PIEZO2: variants seen among roughly 807,000 people sequenced by gnomAD.
PIEZO2 encodes piezo type mechanosensitive ion channel component 2, also known as piezo-type mechanosensitive ion channel component 2.
In PIEZO2, 172 loss-of-function variants were observed where a neutral mutation model predicts 337.3. The observed-to-expected ratio is 0.51, with a 90% CI of 0.45 to 0.58. PIEZO2 has a LOEUF of 0.58. Among genes scored for constraint, PIEZO2 ranks in the 20% least tolerant of loss-of-function variants. The pLI is 0.00. For synonymous variants in PIEZO2, 1,251 were observed against 1,228.5 expected, an observed-to-expected ratio of 1.02 and a Z score of -0.38; for missense variants, 3,028 against 3,391.3, an observed-to-expected ratio of 0.89 and a Z score of 2.66.
At position 10,991,527 on chromosome 18, in the gene PIEZO2, A is replaced by G. The variant is rs556712598; in HGVS notation, c.161-11867T>C. On this transcript the variant is annotated intron_variant, in intron 2 of 55. Transcript: ENST00000674853. ...TGGTTTGCTGAGAATGATGGTTTCC[A>G]GCTTCATCCATGTCCCTGCAAAGGA... Among the ~76,000 whole-genome samples the G allele has an allele frequency of 6.1e-4, 93 of 152,122 alleles. 1 individual carries two copies. In the South Asian group the frequency reaches 0.018, roughly 29 times the overall value.
chr18:11,019,464 C>T (rs1025631582), intron 2 of PIEZO2, among the ~76,000 whole-genome samples: 2 of 152,200 alleles, frequency 1.3e-5, no homozygotes, highest in Non-Finnish European at 2.9e-5. Flanking sequence ...AGCTTTTGTA[C>T]TTTCTGGTGT....
intron 3 of PIEZO2, among the ~76,000 whole-genome samples, chr18:10,948,819 G>A (rs9961393): frequency 6.6e-6 from 1 of 152,154 alleles, no homozygotes; most frequent in African/African-American, 2.4e-5. Flanking sequence ...ATGTGTGTAT[G>A]TTACAGAAAT....
rs1204340074 is a variant in PIEZO2, at chr18:11,143,629, ACACACACACACTCT to A, written c.64+4882_64+4895del. Among the ~76,000 whole-genome samples the A allele has an allele frequency of 5.6e-3, 486 of 87,062 alleles. 3 individuals carry two copies. The highest frequency in any genetic ancestry group is 0.026 in the African/African-American group (401 of 15,226). The allele number at this position is 87,062 out of a possible 152,430, so 57.1% of individuals were successfully genotyped here. A position where few individuals can be genotyped will look rare whatever the true frequency, so the allele number is the denominator to read the frequency against. On this transcript the variant is annotated intron_variant, in intron 1 of 55. Transcript: ENST00000674853. This position sits in a 1 kb window ranked among gnomAD's most constrained non-coding sequence, Gnocchi z 4.9. The stretch of plus-strand genomic sequence containing the variant: ...CACACACACACACACACACACACAC[ACACACACACACTCT>A]CTCTCTCTCTCTCTCTCTCTCTCTC...
intron 2 of PIEZO2, among the ~76,000 whole-genome samples, chr18:10,984,167 C>A (rs2034781893): frequency 6.6e-6 from 1 of 151,688 alleles, no homozygotes; most frequent in Non-Finnish European, 1.5e-5. Context: ...AAAAAAAATT[C>A]AAAAATTCAA....
intron 2 of PIEZO2, among the ~76,000 whole-genome samples, chr18:11,049,344 T>C (rs2037434256): frequency 6.6e-6 from 1 of 152,174 alleles, no homozygotes; most frequent in Non-Finnish European, 1.5e-5. Context: ...AGATTAATAT[T>C]CTGGTGACCA....
chr18:11,009,372 G>T lies in PIEZO2; in HGVS notation c.161-29712C>A, dbSNP rs1273701176. 6.6e-6 allele frequency among the ~76,000 whole-genome samples: 1 copy of T among 152,170 alleles called. No individual in the cohort carries two copies. Among genetic ancestry groups the T allele is most frequent in the Non-Finnish European group, 1.5e-5 (1 of 68,038 alleles). The stretch of plus-strand genomic sequence containing the variant: ...CTGACCTCATTTTTCTGGGGTGGGG[G>T]CGAGATCATGGGTACACTGTAAAAG... On this transcript the variant is annotated intron_variant, in intron 2 of 55. Transcript: ENST00000674853. The surrounding 1 kb of genome is among the most constrained non-coding windows in gnomAD (Gnocchi z 4.6).
intron 36 of PIEZO2, among the ~76,000 whole-genome samples, chr18:10,720,536 C>G (rs2143952131): frequency 6.9e-6 from 1 of 144,402 alleles, no homozygotes; most frequent in East Asian, 2.0e-4. Context: ...TAGCTCACTG[C>G]AGCCTTGACC....
At chr18:11,054,948 A>G (rs1259377229) in intron 2 of PIEZO2, among the ~76,000 whole-genome samples, 3 of 152,126 alleles carry the variant, frequency 2.0e-5, no homozygotes, top group Non-Finnish European at 2.9e-5. Context: ...ACGGTGGCTC[A>G]CGCCTGTAAT....
Position 10,726,325 on chromosome 18 carries a change from G to T in PIEZO2, c.5029+5082C>A, listed in dbSNP as rs1214181768. On this transcript the variant is annotated intron_variant, in intron 36 of 55. Transcript: ENST00000674853. This position sits in a 1 kb window ranked among gnomAD's most constrained non-coding sequence, Gnocchi z 5.9. ...GGCCAGGTGGAGCAGGTGGGTCCCC[G>T]AACGCCCCGCCCAGCGCTGCCTCCC... 2 of 1,404,780 alleles carry T rather than the reference G, an allele frequency of 1.4e-6. No homozygotes were observed. The highest frequency in any genetic ancestry group is 1.4e-5 in the South Asian group (1 of 73,888). 87.0% of individuals were successfully genotyped at this position (1,404,780 alleles called of 1,614,324 possible).
chr18:10,742,247 G>A (rs1312000793), intron 32 of PIEZO2, among the ~76,000 whole-genome samples: 2 of 152,172 alleles, frequency 1.3e-5, no homozygotes, highest in African/African-American at 4.8e-5. Context: ...ACAAAAGCTA[G>A]GTTATGTATT....
chr18:10,805,394 T>C (rs1213066470), intron 8 of PIEZO2, among the ~76,000 whole-genome samples: 1 of 152,106 alleles, frequency 6.6e-6, no homozygotes, highest in Admixed American at 6.6e-5. Flanking sequence ...CGGGCACCTG[T>C]AATCCCAGCT....
rs571070676 is a variant in PIEZO2, at chr18:10,940,734, C to T, written c.287-29506G>A. On this transcript the variant is annotated intron_variant, in intron 3 of 55. Coordinates refer to ENST00000674853, the MANE Select transcript of PIEZO2 (RefSeq NM_001378183.1). The surrounding 1 kb of genome is among the most constrained non-coding windows in gnomAD (Gnocchi z 5.3). ...AAAATTAGCTGGGCATGGTGGCTCG[C>T]GCCTGTAGTCCCAGCTACTGGGGAG... is the stretch of plus-strand genomic sequence containing the variant. 1.4e-4 allele frequency among the ~76,000 whole-genome samples: 22 copies of T among 152,188 alleles called. No homozygotes were observed. The highest frequency in any genetic ancestry group is 3.9e-4 in the Admixed American group (6 of 15,292).
Position 10,819,644 on chromosome 18 carries a change from C to T in PIEZO2, c.918-12370G>A, listed in dbSNP as rs114795638. On this transcript the variant is annotated intron_variant, in intron 7 of 55. Coordinates refer to ENST00000674853, the MANE Select transcript of PIEZO2 (RefSeq NM_001378183.1). This position sits in a 1 kb window ranked among gnomAD's most constrained non-coding sequence, Gnocchi z 4.3. ...CTCAATGTTGTTCTCAATGCATCAT[C>T]GGTGTTCACCTTCATGCTTGTTCTC... Among the ~76,000 whole-genome samples the T allele has an allele frequency of 1.3e-3, 205 of 152,310 alleles. No homozygotes were observed. The highest frequency in any genetic ancestry group is 4.3e-3 in the African/African-American group (178 of 41,566).
chr18:11,113,429 A>C (rs1448835578), intron 1 of PIEZO2, among the ~76,000 whole-genome samples: 4 of 152,226 alleles, frequency 2.6e-5, no homozygotes, highest in African/African-American at 9.6e-5. Context: ...ATAACAGGAC[A>C]GCCCTCCTAA....
chr18:10,731,352 G>C, intron 36 of PIEZO2, 55 bp downstream of exon 36: 1 of 1,237,188 alleles, frequency 8.1e-7, no homozygotes, highest in Non-Finnish European at 1.1e-6. Context: ...ACAAGGCTGG[G>C]GAGCACAGCC....
chr18:10,978,796 G>A (rs2034548467), intron 3 of PIEZO2, among the ~76,000 whole-genome samples: 2 of 152,074 alleles, frequency 1.3e-5, no homozygotes, highest in African/African-American at 2.4e-5. Context: ...ATATCTCAGG[G>A]TTTCTTTAGT....
chr18:10,739,519 A>G (rs2037135212), intron 33 of PIEZO2: 1 of 152,230 alleles, frequency 6.6e-6, no homozygotes, highest in Non-Finnish European at 1.5e-5. Flanking sequence ...GTGAAAAAAC[A>G]TTCAATATGA....
chr18:10,890,380 G>A (rs2042720745), intron 4 of PIEZO2: 1 of 152,188 alleles, frequency 6.6e-6, no homozygotes, highest in Non-Finnish European at 1.5e-5. Context: ...ACAGCTTAGA[G>A]TAAGCAGCTA....
Position 11,047,240 on chromosome 18 carries a change from T to A in PIEZO2, c.160+18887A>T, listed in dbSNP as rs528146229. On this transcript the variant is annotated intron_variant, in intron 2 of 55. Coordinates refer to ENST00000674853, the MANE Select transcript of PIEZO2 (RefSeq NM_001378183.1). This position sits in a 1 kb window ranked among gnomAD's most constrained non-coding sequence, Gnocchi z 7.2. Reference sequence around the variant, plus strand: ...AATGGACGCAAACTTGTCCGAGCTGTTGGATGGTCAGCTAAGGTTGTGGAT... The same window carrying A: ...AATGGACGCAAACTTGTCCGAGCTGATGGATGGTCAGCTAAGGTTGTGGAT... Among the ~76,000 whole-genome samples the A allele has an allele frequency of 6.6e-6, 1 of 152,078 alleles. No homozygotes were observed. The highest frequency in any genetic ancestry group is 1.5e-5 in the Non-Finnish European group (1 of 68,008).
Sources: gnomAD v4.1 joint callset for allele counts (sites outside exome capture counted in the v4.1 genomes callset) on GRCh38, gnomAD v4.1.1 for gene constraint, Gnocchi (gnomAD v3.1) non-coding constraint, MANE v1.5 for transcripts, NCBI Gene and HGNC (gene_info 2026-07-23, HGNC 2026-07-21) for gene names.